The following AFG1L variants were observed in gnomAD, a reference collection of about 807,000 sequenced individuals.
AFG1L encodes the protein AFG1-like ATPase.
AFG1L carries 53 observed loss-of-function variants against 62.2 expected under a neutral mutation model. The observed-to-expected ratio is 0.85, with a 90% CI of 0.68 to 1.07. AFG1L has a LOEUF of 1.07. Ranked by LOEUF, AFG1L falls within the 50% of genes least tolerant of loss-of-function variation. The pLI is 0.00. For synonymous variants in AFG1L, 228 were observed against 210.3 expected (o/e 1.08, Z -0.73); for missense variants, 555 against 590.5 (o/e 0.94, Z 0.62).
intron 7 of AFG1L, among the ~76,000 whole-genome samples, chr6:108,423,535 T>C (rs1310958787): frequency 6.6e-6 from 1 of 152,084 alleles, no homozygotes; most frequent in Non-Finnish European, 1.5e-5. Context: ...TTTTTCTGTA[T>C]CAAAATTATA....
At position 108,401,980 on chromosome 6, in the gene AFG1L, C is replaced by A; in HGVS notation, c.749-16C>A. On this transcript the variant is annotated splice_polypyrimidine_tract_variant and intron_variant, in intron 6 of 12. Transcript: ENST00000368977. ...TTTAGGCTAAGCAAAAAACTAATATCATTTTTTTCTTTCAGATCTCTATAA... is the reference window on the plus strand; with the variant it reads ...TTTAGGCTAAGCAAAAAACTAATATAATTTTTTTCTTTCAGATCTCTATAA... 7.8e-7 allele frequency: 1 copy of A among 1,279,540 alleles called. No homozygotes were observed. Among genetic ancestry groups the A allele is most frequent in the Non-Finnish European group, 1.1e-6 (1 of 909,888 alleles). The allele number at this position is 1,279,540 out of a possible 1,614,324, so 79.3% of individuals were successfully genotyped here.
At position 108,361,233 on chromosome 6, in the gene AFG1L, G is replaced by C. The variant is rs139900463; in HGVS notation, c.648+4413G>C. 2.0e-5 allele frequency among the ~76,000 whole-genome samples: 3 copies of C among 152,340 alleles called. No individual in the cohort carries two copies. The East Asian group carries it at 5.8e-4, about 29-fold the overall frequency. The stretch of plus-strand genomic sequence containing the variant: ...TGTCTGACCATTGCTCTGGCACTGG[G>C]AGCCTGATCTTGTGTTCTTCCTGGC... On this transcript the variant is annotated intron_variant, in intron 5 of 12. Coordinates refer to ENST00000368977, the MANE Select transcript of AFG1L (RefSeq NM_145315.5).
intron 6 of AFG1L, among the ~76,000 whole-genome samples, chr6:108,396,125 C>T (rs1396922114): frequency 6.6e-6 from 1 of 151,748 alleles, no homozygotes; most frequent in African/African-American, 2.4e-5. Context: ...GTGATCCTCC[C>T]GACTTGGCCT....
Position 108,401,981 on chromosome 6 carries a change from A to AT in AFG1L, c.749-8dup, listed in dbSNP as rs767269248. ...TTAGGCTAAGCAAAAAACTAATATC[A>AT]TTTTTTTCTTTCAGATCTCTATAAA... On this transcript the variant is annotated splice_polypyrimidine_tract_variant and intron_variant, in intron 6 of 12. Transcript: ENST00000368977. 10 of 1,310,102 alleles carry AT rather than the reference A, an allele frequency of 7.6e-6. No individual in the cohort carries two copies. The highest frequency in any genetic ancestry group is 2.2e-5 in the Admixed American group (1 of 45,636). The allele number at this position is 1,310,102 out of a possible 1,614,324, so 81.2% of individuals were successfully genotyped here.
Position 108,295,117 on chromosome 6 carries a change from C to T in AFG1L, c.38C>T (p.Pro13Leu), listed in dbSNP as rs374091048. 12 of 1,611,460 alleles carry T rather than the reference C, an allele frequency of 7.4e-6. No individual in the cohort carries two copies. The highest frequency in any genetic ancestry group is 5.0e-5 in the Admixed American group (3 of 60,010). The change falls in exon 1 of 13, where the codon CCC becomes CTC. Residue 13 changes from proline (P) to leucine (L), a missense_variant. Physicochemically the swap from Pro to Leu is moderately conservative, Grantham distance 98. Transcript: ENST00000368977. The part of the protein sequence containing the change: ...ASWSLLVTLR[P>L]LAQSPLRGRC... Reference sequence around the variant, plus strand: ...TGGTCGCTCTTGGTTACCCTGCGCCCCTTAGCACAGAGCCCGCTGAGAGGG... The same window carrying T: ...TGGTCGCTCTTGGTTACCCTGCGCCTCTTAGCACAGAGCCCGCTGAGAGGG...
Position 108,365,466 on chromosome 6 carries a change from G to A in AFG1L, c.649-767G>A, listed in dbSNP as rs1562110895. Among the ~76,000 whole-genome samples the A allele has an allele frequency of 3.4e-5, 5 of 146,382 alleles. No individual in the cohort carries two copies. The South Asian group carries it at 1.1e-3, about 32-fold the overall frequency. ...GTTATTTTTTTAAGGGACTATATTA[G>A]CCATTCTTGAAAGGTGGTTTTTTTT... On this transcript the variant is annotated intron_variant, in intron 5 of 12. Coordinates refer to ENST00000368977, the MANE Select transcript of AFG1L (RefSeq NM_145315.5).
At chr6:108,497,704 AATG>A (rs1774026278) in intron 10 of AFG1L, among the ~76,000 whole-genome samples, 1 of 152,226 alleles carries the variant, frequency 6.6e-6, no homozygotes, top group Admixed American at 6.5e-5. Flanking sequence ...ACATAAAATA[AATG>A]ATGATATATG....
intron 5 of AFG1L, among the ~76,000 whole-genome samples, chr6:108,364,556 G>C (rs1562110271): frequency 6.6e-6 from 1 of 152,008 alleles, no homozygotes; most frequent in East Asian, 1.9e-4. Flanking sequence ...CTAAAATCGG[G>C]TAAACTTTCA....
intron 6 of AFG1L, among the ~76,000 whole-genome samples, chr6:108,390,626 G>C (rs1781010572): frequency 6.6e-6 from 1 of 152,214 alleles, no homozygotes. Context: ...GTTTGCTGGA[G>C]GTCCACTCCA....
chr6:108,342,931 T>G (rs1778733000), intron 2 of AFG1L, among the ~76,000 whole-genome samples: 1 of 152,098 alleles, frequency 6.6e-6, no homozygotes, highest in Non-Finnish European at 1.5e-5. Flanking sequence ...CTTCTGAATA[T>G]TACTATAAAA....
intron 6 of AFG1L, among the ~76,000 whole-genome samples, chr6:108,400,561 A>G (rs1276386340): frequency 1.4e-5 from 2 of 138,580 alleles, no homozygotes; most frequent in Non-Finnish European, 3.1e-5. Flanking sequence ...TTATATATTT[A>G]TATAAATATA....
intron 8 of AFG1L, among the ~76,000 whole-genome samples, chr6:108,463,216 A>G (rs988672576): frequency 1.3e-5 from 2 of 150,930 alleles, no homozygotes; most frequent in African/African-American, 4.9e-5. Context: ...CTGAACCTGC[A>G]AGGCAGAGGT....
chr6:108,354,772 A>T (rs1779203998), intron 3 of AFG1L, among the ~76,000 whole-genome samples: 2 of 152,164 alleles, frequency 1.3e-5, no homozygotes, highest in South Asian at 2.1e-4. Flanking sequence ...TTTAATATTT[A>T]TGAATTGTTT....
chr6:108,513,064 A>G (rs1269545931), intron 11 of AFG1L, among the ~76,000 whole-genome samples: 1 of 152,220 alleles, frequency 6.6e-6, no homozygotes, highest in East Asian at 1.9e-4. Context: ...ATGATTTTTA[A>G]AGATAGCTAT....
intron 8 of AFG1L, among the ~76,000 whole-genome samples, chr6:108,450,449 G>T (rs1259678136): frequency 6.6e-6 from 1 of 151,866 alleles, no homozygotes; most frequent in East Asian, 1.9e-4. Context: ...TGATGGGGTT[G>T]TTTTTTTTCT....
At chr6:108,311,194 G>A (rs913973410) in intron 1 of AFG1L, among the ~76,000 whole-genome samples, 3 of 152,088 alleles carry the variant, frequency 2.0e-5, no homozygotes, top group African/African-American at 4.8e-5. Flanking sequence ...TTCACTTTAC[G>A]TCTCAGCCAA....
chr6:108,377,875 GGAA>G (rs1175638565), intron 6 of AFG1L, among the ~76,000 whole-genome samples: 1 of 151,176 alleles, frequency 6.6e-6, no homozygotes, highest in Non-Finnish European at 1.5e-5. Flanking sequence ...TAAGGACTAG[GGAA>G]GTTTTCTTGA....
chr6:108,375,999 G>C (rs1780228001), intron 6 of AFG1L, among the ~76,000 whole-genome samples: 1 of 152,040 alleles, frequency 6.6e-6, no homozygotes, highest in African/African-American at 2.4e-5. Flanking sequence ...ACTTGATATT[G>C]GTCTGTTTGG....
At chr6:108,489,088 A>G (rs766730283) in intron 10 of AFG1L, among the ~76,000 whole-genome samples, 1 of 152,242 alleles carries the variant, frequency 6.6e-6, no homozygotes, top group Admixed American at 6.5e-5. Flanking sequence ...AAGGATTGAT[A>G]CTGGTGAGTT....
Sources: allele counts gnomAD v4.1 joint callset (sites outside exome capture counted in the v4.1 genomes callset), GRCh38; gene constraint gnomAD v4.1.1; transcripts MANE v1.5; gene names NCBI Gene and HGNC (gene_info 2026-07-23, HGNC 2026-07-21).